USP35: variants seen among roughly 807,000 people sequenced by gnomAD.
The protein encoded by USP35 is ubiquitin carboxyl-terminal hydrolase 35.
A neutral mutation model predicts 83.8 loss-of-function variants in USP35; 69 were observed. The observed-to-expected ratio is 0.82, with a 90% CI of 0.68 to 1.01. The LOEUF is 1.01. USP35 is among the 50% of genes least tolerant of loss of function. The pLI is 0.00. For synonymous variants in USP35, 714 were observed against 589.5 expected (o/e 1.21, Z -3.06); for missense variants, 1,503 against 1,362.5 (o/e 1.10, Z -1.62).
chr11:78,223,157 T>A, the USP35 span, among the ~76,000 whole-genome samples: 32 of 152,312 alleles, frequency 2.1e-4, no homozygotes, highest in African/African-American at 6.7e-4. Flanking sequence ...CTGGTCTACA[T>A]GCAGGGGGCA....
intron 1 of USP35, among the ~76,000 whole-genome samples, chr11:78,189,486 G>A (rs1049285622): frequency 1.1e-4 from 17 of 152,222 alleles, no homozygotes; most frequent in African/African-American, 3.9e-4. Flanking sequence ...TGCACTGGAG[G>A]GAGGGAGGTG....
intron 6 of USP35, among the ~76,000 whole-genome samples, chr11:78,205,591 A>G (rs1195903751): frequency 1.3e-5 from 2 of 151,604 alleles, no homozygotes; most frequent in South Asian, 2.1e-4. Context: ...TTTTTTTTTT[A>G]ATCTATAAAA....
intron 9 of USP35, among the ~76,000 whole-genome samples, 153 bp from the exon 10 acceptor site, chr11:78,209,295 T>C (rs932838093): frequency 1.3e-5 from 2 of 151,978 alleles, no homozygotes; most frequent in African/African-American, 4.8e-5. Context: ...GTTGTGAGCA[T>C]GTACGTGGAT....
the USP35 span, among the ~76,000 whole-genome samples, chr11:78,235,447 C>T: frequency 4.9e-3 from 748 of 152,250 alleles, 15 homozygotes; most frequent in East Asian, 0.016. Context: ...CCACTGCGCC[C>T]GGCTGGGTGT....
chr11:78,232,718 AT>A, the USP35 span, among the ~76,000 whole-genome samples: 1 of 152,348 alleles, frequency 6.6e-6, no homozygotes, highest in South Asian at 2.1e-4. Flanking sequence ...AATTTACTGT[AT>A]CTTTACAATC....
At position 78,210,683 on chromosome 11, in the gene USP35, A is replaced by G; in HGVS notation, c.2828A>G (p.Glu943Gly). 1 of 1,604,498 alleles carries G rather than the reference A, an allele frequency of 6.2e-7. No individual in the cohort carries two copies. Among genetic ancestry groups the G allele is most frequent in the Non-Finnish European group, 8.5e-7 (1 of 1,174,768 alleles). Residue 943 changes from glutamate (E) to glycine (G), a missense_variant, in exon 10 of 11, where the codon GAG (glutamate) becomes GGG (glycine). Physicochemically the swap from Glu to Gly is moderately conservative, Grantham distance 98. Transcript: ENST00000529308. ...AELGSSRVRTEPTLHKDLMEA... is the reference protein window; with the variant it reads ...AELGSSRVRTGPTLHKDLMEA... ...TTGGGCTCTTCTAGAGTCCGGACAGAGCCCACCCTGCACAAGGACTTGATG... is the reference window on the plus strand; with the variant it reads ...TTGGGCTCTTCTAGAGTCCGGACAGGGCCCACCCTGCACAAGGACTTGATG...
chr11:78,214,024 C>A lies in USP35; in HGVS notation c.*211C>A. ...GGATCAGTCCCATTAAAACTTTACA[C>A]CCAAGTGTCCTGGTTAACTTGAAGC... On this transcript the variant is annotated 3_prime_UTR_variant, in exon 11 of 11. Transcript: ENST00000529308. 2.0e-6 allele frequency: 1 copy of A among 509,482 alleles called. No homozygotes were observed. Among genetic ancestry groups the A allele is most frequent in the Non-Finnish European group, 3.2e-6 (1 of 314,780 alleles). 31.6% of individuals were successfully genotyped at this position (509,482 alleles called of 1,614,324 possible).
the USP35 span, among the ~76,000 whole-genome samples, chr11:78,227,831 A>G: frequency 6.6e-6 from 1 of 152,030 alleles, no homozygotes; most frequent in Admixed American, 6.6e-5. Flanking sequence ...CAAACAAACA[A>G]CAAACTATTC....
At chr11:78,226,720 C>T in the USP35 span, 1 of 1,613,848 alleles carries the variant, frequency 6.2e-7, no homozygotes, top group Non-Finnish European at 8.5e-7. Flanking sequence ...AGTGGGGTGG[C>T]CGGAACATCC....
At chr11:78,199,287 C>T (rs905535790) in intron 3 of USP35, 60 of 338,954 alleles carry the variant, frequency 1.8e-4, no homozygotes, top group South Asian at 1.7e-3. Context: ...GGGCAGTGCC[C>T]TTCCAGGCAG....
At chr11:78,209,026 A>ACTGGGCTTG in intron 9 of USP35, 63 bp downstream of exon 9, 1 of 1,510,412 alleles carries the variant, frequency 6.6e-7, no homozygotes, top group Non-Finnish European at 9.1e-7. Flanking sequence ...CAAGCCCAGT[A>ACTGGGCTTG]CCTCTGAGCT....
rs753532611 is a variant in USP35, at chr11:78,205,914, G to C, written c.1270G>C (p.Glu424Gln). 2 of 1,614,158 alleles carry C rather than the reference G, an allele frequency of 1.2e-6. No individual in the cohort carries two copies. The highest frequency in any genetic ancestry group is 1.7e-5 in the Admixed American group (1 of 60,016). The change falls in exon 7 of 11, where the codon GAG becomes CAG. Residue 424 changes from glutamate (E) to glutamine (Q), a missense_variant. Glu to Gln is a conservative substitution (Grantham distance 29, BLOSUM62 2). Coordinates refer to ENST00000529308, the MANE Select transcript of USP35 (RefSeq NM_020798.4). The stretch of plus-strand genomic sequence containing the variant: ...GGATGCCTGGACTTCGCAGAAGAGC[G>C]AGCTGGCGGGTTTCTATCCCCGGCT... ...GQDAWTSQKS[E>Q]LAGFYPRLMA... is the part of the protein sequence containing the mutation.
intron 7 of USP35, 98 bp from the exon 8 acceptor site, chr11:78,207,432 C>T: frequency 8.3e-7 from 1 of 1,204,336 alleles, no homozygotes; most frequent in Non-Finnish European, 1.2e-6. Flanking sequence ...GTCTGTTCTG[C>T]CTTTGGCCTA....
chr11:78,194,106 A>ACCACTGATGTCTGCCATGGTTACATCC (rs1863076198), intron 1 of USP35, among the ~76,000 whole-genome samples: 1 of 148,782 alleles, frequency 6.7e-6, no homozygotes, highest in South Asian at 2.1e-4. Flanking sequence ...GGATTTGGGA[A>ACCACTGATGTCTGCCATGGTTACATCC]CCACTGATGT....
the USP35 span, among the ~76,000 whole-genome samples, chr11:78,229,474 A>C: frequency 6.6e-6 from 1 of 152,108 alleles, no homozygotes; most frequent in African/African-American, 2.4e-5. Context: ...CAACATACTC[A>C]AGAATGAACT....
At chr11:78,189,708 G>A (rs1862943381) in intron 1 of USP35, among the ~76,000 whole-genome samples, 2 of 152,194 alleles carry the variant, frequency 1.3e-5, no homozygotes, top group Admixed American at 6.5e-5. Context: ...GCCCCGCAGG[G>A]ATAGGTGTGT....
chr11:78,225,213 A>C, the USP35 span: 5 of 1,576,128 alleles, frequency 3.2e-6, no homozygotes, highest in Non-Finnish European at 4.4e-6. Context: ...CTGACAGAGG[A>C]AGGAGGATTC....
chr11:78,209,933 TGGG>T lies in USP35; in HGVS notation c.2081_2083del (p.Gly694del). On this transcript the variant is annotated inframe_deletion, in exon 10 of 11. Coordinates refer to ENST00000529308, the MANE Select transcript of USP35 (RefSeq NM_020798.4). Reference sequence around the variant, plus strand: ...GAGGAGAGAACGGAGAAGGAAGAAGTGGGGGAGGAGGAGGAAAGCACCAGAGGG... The same window carrying T: ...GAGGAGAGAACGGAGAAGGAAGAAGTGGAGGAGGAGGAAAGCACCAGAGGG... 6.3e-7 allele frequency: 1 copy of T among 1,593,026 alleles called. No individual in the cohort carries two copies. Among genetic ancestry groups the T allele is most frequent in the African/African-American group, 1.4e-5 (1 of 70,854 alleles).
chr11:78,221,791 AG>A, the USP35 span: 1 of 1,592,336 alleles, frequency 6.3e-7, no homozygotes, highest in Non-Finnish European at 8.6e-7. Context: ...TGTTGTGGGA[AG>A]GAAGAGTTAA....
Sources: gnomAD v4.1 joint callset for allele counts (sites outside exome capture counted in the v4.1 genomes callset) on GRCh38, gnomAD v4.1.1 for gene constraint, MANE v1.5 for transcripts, NCBI Gene and HGNC (gene_info 2026-07-23, HGNC 2026-07-21) for gene names.